The following ARHGAP1 variants were observed in gnomAD, a reference collection of about 807,000 sequenced individuals.
The protein encoded by ARHGAP1 is rho GTPase-activating protein 1.
Under a neutral mutation model 52.2 loss-of-function variants are expected in ARHGAP1, and 23 were observed. That is an observed-to-expected ratio of 0.44 (90% confidence interval 0.32 to 0.62). ARHGAP1 has a LOEUF of 0.62. Ranked by LOEUF, ARHGAP1 falls within the 20% of genes least tolerant of loss-of-function variation. The pLI is 0.05. For missense variants in ARHGAP1, 480 were observed against 560.9 expected (o/e 0.86, Z 1.46); for synonymous variants, 210 against 228.4 (o/e 0.92, Z 0.73).
In ARHGAP1 at chr11:46,679,885, C is replaced by T. The variant is rs1293397525; in HGVS notation, c.899-109G>A. The stretch of plus-strand genomic sequence containing the variant: ...ACTGCCCCTGGACACTGCATAAGCC[C>T]CTCCTCCCAGGGGCGCCCTCTGACA... On this transcript the variant is annotated intron_variant, in intron 10 of 12. Transcript: ENST00000311956. The surrounding 1 kb of genome is among the most constrained non-coding windows in gnomAD (Gnocchi z 4.4). The T allele has an allele frequency of 6.6e-7, 1 of 1,523,010 alleles. No homozygotes were observed. The highest frequency in any genetic ancestry group is 1.9e-5 in the Admixed American group (1 of 51,462). The allele number at this position is 1,523,010 out of a possible 1,614,324, so 94.3% of individuals were successfully genotyped here.
In ARHGAP1 at chr11:46,679,563, C is replaced by T. The variant is rs969731654; in HGVS notation, c.1027+85G>A. ...TAGAGGGGAGACCCCCAGCAGTCTT[C>T]CCTGGGAGGCGCCTAGGCCCGAAAG... On this transcript the variant is annotated intron_variant, in intron 11 of 12. Coordinates refer to ENST00000311956, the MANE Select transcript of ARHGAP1 (RefSeq NM_004308.5). The surrounding 1 kb of genome is among the most constrained non-coding windows in gnomAD (Gnocchi z 4.4). 6.2e-7 allele frequency: 1 copy of T among 1,607,392 alleles called. No individual in the cohort carries two copies. Among genetic ancestry groups the T allele is most frequent in the Non-Finnish European group, 8.5e-7 (1 of 1,175,862 alleles).
intron 4 of ARHGAP1, among the ~76,000 whole-genome samples, chr11:46,684,153 A>G (rs1039492801): frequency 3.3e-5 from 5 of 152,210 alleles, no homozygotes; most frequent in Non-Finnish European, 7.3e-5. Context: ...ACAGGCAGGC[A>G]TGGGGTGGCT....
rs1239557497 is a variant in ARHGAP1 at position 46,677,387 on chromosome 11, G to A, written c.*1650C>T. 4 of 152,576 alleles carry A rather than the reference G, an allele frequency of 2.6e-5. No individual in the cohort carries two copies. Among genetic ancestry groups the A allele is most frequent in the Non-Finnish European group, 5.9e-5 (4 of 68,250 alleles). 9.5% of individuals were successfully genotyped at this position (152,576 alleles called of 1,614,324 possible). On this transcript the variant is annotated 3_prime_UTR_variant, in exon 13 of 13. Coordinates refer to ENST00000311956, the MANE Select transcript of ARHGAP1 (RefSeq NM_004308.5). ...CAGCCCAGGCCCCAGGGGGCTGGAT[G>A]CACTGCTGATGGTCTTGGGAGAGCC...
At chr11:46,689,550 A>AT (rs1182258740) in intron 3 of ARHGAP1, among the ~76,000 whole-genome samples, 2 of 151,134 alleles carry the variant, frequency 1.3e-5, no homozygotes, top group African/African-American at 2.4e-5. Context: ...TATTACTATT[A>AT]TTTTTTTTTA....
At position 46,678,977 on chromosome 11, in the gene ARHGAP1, C is replaced by T; in HGVS notation, c.*60G>A. The T allele has an allele frequency of 1.3e-6, 2 of 1,569,034 alleles. No homozygotes were observed. The highest frequency in any genetic ancestry group is 1.7e-6 in the Non-Finnish European group (2 of 1,148,086). ...CAGGGGGCTTCATGGCCCCTGATGC[C>T]AGGAGGAAGAGTCCAAACCCGGGCT... On this transcript the variant is annotated 3_prime_UTR_variant, in exon 13 of 13. Transcript: ENST00000311956.
In ARHGAP1 at chr11:46,679,992, T is replaced by C. The variant is rs976726726; in HGVS notation, c.898+213A>G. Among the ~76,000 whole-genome samples, 7 of 152,172 alleles carry C rather than the reference T, an allele frequency of 4.6e-5. No homozygotes were observed. Among genetic ancestry groups the C allele is most frequent in the Admixed American group, 1.3e-4 (2 of 15,284 alleles). On this transcript the variant is annotated intron_variant, in intron 10 of 12. Coordinates refer to ENST00000311956, the MANE Select transcript of ARHGAP1 (RefSeq NM_004308.5). This position sits in a 1 kb window ranked among gnomAD's most constrained non-coding sequence, Gnocchi z 4.4. ...TGGGGCCCGGCACACCCCACCGTTATTCCTTGCCTCTGAATGTGCCTATAC... is the reference window on the plus strand; with the variant it reads ...TGGGGCCCGGCACACCCCACCGTTACTCCTTGCCTCTGAATGTGCCTATAC...
rs1160442679 is a variant in ARHGAP1 at position 46,678,165 on chromosome 11, G to A, written c.*872C>T. On this transcript the variant is annotated 3_prime_UTR_variant, in exon 13 of 13. Coordinates refer to ENST00000311956, the MANE Select transcript of ARHGAP1 (RefSeq NM_004308.5). ...CTGGGGCAGGGGCCAGTGTGACTCC[G>A]TAACAGACAGGTCCACAAGAACATG... The A allele has an allele frequency of 5.7e-5, 14 of 243,894 alleles. No homozygotes were observed. Among genetic ancestry groups the A allele is most frequent in the Admixed American group, 5.4e-5 (1 of 18,496 alleles). The allele number at this position is 243,894 out of a possible 1,614,324, so 15.1% of individuals were successfully genotyped here. A position where few individuals can be genotyped will look rare whatever the true frequency, so the allele number is the denominator to read the frequency against.
At position 46,681,652 on chromosome 11, in the gene ARHGAP1, TG is replaced by T. The variant is rs1252003793; in HGVS notation, c.450-274del. 7.1e-6 allele frequency: 3 copies of T among 421,512 alleles called. No individual in the cohort carries two copies. Among genetic ancestry groups the T allele is most frequent in the Non-Finnish European group, 1.3e-5 (3 of 227,088 alleles). 26.1% of individuals were successfully genotyped at this position (421,512 alleles called of 1,614,324 possible). A position where few individuals can be genotyped will look rare whatever the true frequency, so the allele number is the denominator to read the frequency against. ...TTTCACCATGTTGGCCAGGCTGGTCTGGAACTCCTGACCTCAAGTGATCCAT... is the reference window on the plus strand; with the variant it reads ...TTTCACCATGTTGGCCAGGCTGGTCTGAACTCCTGACCTCAAGTGATCCAT... On this transcript the variant is annotated intron_variant, in intron 5 of 12. Transcript: ENST00000311956. This position sits in a 1 kb window ranked among gnomAD's most constrained non-coding sequence, Gnocchi z 5.7.
chr11:46,698,498 C>T (rs1261275695), intron 1 of ARHGAP1, among the ~76,000 whole-genome samples: 1 of 151,462 alleles, frequency 6.6e-6, no homozygotes, highest in East Asian at 1.9e-4. Flanking sequence ...ATCCCAGCTA[C>T]TCAGGTGGCT....
In ARHGAP1 at chr11:46,681,349, G is replaced by GA; in HGVS notation, c.479dup (p.Val161ArgfsTer54). Reference sequence around the variant, plus strand: ...TTTTGATGAACATGGTTGGATGCACGATGTACAAGGCCTTGATGTTTTTCT... The same window carrying GA: ...TTTTGATGAACATGGTTGGATGCACGAATGTACAAGGCCTTGATGTTTTTCT... On this transcript the variant is annotated frameshift_variant, in exon 6 of 13. Transcript: ENST00000311956. LOFTEE classifies it high-confidence loss of function. This position sits in a 1 kb window ranked among gnomAD's most constrained non-coding sequence, Gnocchi z 5.7. 1 of 1,613,452 alleles carries GA rather than the reference G, an allele frequency of 6.2e-7. No individual in the cohort carries two copies. Among genetic ancestry groups the GA allele is most frequent in the Non-Finnish European group, 8.5e-7 (1 of 1,179,376 alleles).
At chr11:46,683,214 C>G (rs1262767760) in intron 4 of ARHGAP1, among the ~76,000 whole-genome samples, 1 of 151,824 alleles carries the variant, frequency 6.6e-6, no homozygotes, top group East Asian at 1.9e-4. Flanking sequence ...CTTTTTTCTA[C>G]TTTTTATTTT....
At position 46,679,441 on chromosome 11, in the gene ARHGAP1, G is replaced by A. The variant is rs142672718; in HGVS notation, c.1055C>T (p.Ala352Val). ...LNIDESQRVP[A>V]TLQVLQTLPE... Reference sequence around the variant, plus strand: ...CAGCGTCTGGAGGACCTGCAGTGTCGCTGGCACCCTCTGGCTTTCATCAAT... The same window carrying A: ...CAGCGTCTGGAGGACCTGCAGTGTCACTGGCACCCTCTGGCTTTCATCAAT... Residue 352 changes from alanine (A) to valine (V), a missense_variant, in exon 12 of 13, where the codon GCG becomes GTG. Physicochemically the swap from Ala to Val is moderately conservative, Grantham distance 64 (BLOSUM62 0). Transcript: ENST00000311956. This position sits in a 1 kb window ranked among gnomAD's most constrained non-coding sequence, Gnocchi z 4.4. 15 of 1,614,028 alleles carry A rather than the reference G, an allele frequency of 9.3e-6. No homozygotes were observed. Among genetic ancestry groups the A allele is most frequent in the Admixed American group, 1.7e-5 (1 of 60,000 alleles).
At position 46,681,476 on chromosome 11, in the gene ARHGAP1, C is replaced by T. The variant is rs1468712213; in HGVS notation, c.450-97G>A. 9.1e-6 allele frequency: 8 copies of T among 876,606 alleles called. No homozygotes were observed. In the Admixed American group the frequency reaches 9.2e-5, roughly 10 times the overall value. 54.3% of individuals were successfully genotyped at this position (876,606 alleles called of 1,614,324 possible). On this transcript the variant is annotated intron_variant, in intron 5 of 12. Coordinates refer to ENST00000311956, the MANE Select transcript of ARHGAP1 (RefSeq NM_004308.5). The surrounding 1 kb of genome is among the most constrained non-coding windows in gnomAD (Gnocchi z 5.7). Reference sequence around the variant, plus strand: ...ACTTTTTTTTTTTGAGACAGAGTCTCCTTCACCCAGGCTGGAGTGTGATCT... The same window carrying T: ...ACTTTTTTTTTTTGAGACAGAGTCTTCTTCACCCAGGCTGGAGTGTGATCT...
rs749834104 is a variant in ARHGAP1 at position 46,681,148 on chromosome 11, C to G, written c.537-39G>C. On this transcript the variant is annotated intron_variant, in intron 6 of 12. Transcript: ENST00000311956. The surrounding 1 kb of genome is among the most constrained non-coding windows in gnomAD (Gnocchi z 5.7). ...AAAGGGCCTGGGTTGTGGGGGCCCG[C>G]TTCCGGTGGCCTCCACTCTCCCCTC... 1 of 1,585,060 alleles carries G rather than the reference C, an allele frequency of 6.3e-7. No individual in the cohort carries two copies. Among genetic ancestry groups the G allele is most frequent in the South Asian group, 1.1e-5 (1 of 90,456 alleles).
rs550984592 is a variant in ARHGAP1, at chr11:46,694,294, A to G, written c.229+1366T>C. 2.0e-5 allele frequency among the ~76,000 whole-genome samples: 3 copies of G among 151,318 alleles called. No homozygotes were observed. In the South Asian group the frequency reaches 6.3e-4, roughly 32 times the overall value. On this transcript the variant is annotated intron_variant, in intron 3 of 12. Transcript: ENST00000311956. ...CTTCTGCTATTTCCGACTCCCAGGC[A>G]CCACCAACTCCCAGCTCCCCAGGGT... is the stretch of plus-strand genomic sequence containing the variant.
rs761884877 is a variant in ARHGAP1, at chr11:46,682,111, G to A, written c.389C>T (p.Thr130Ile). 6.2e-7 allele frequency: 1 copy of A among 1,614,068 alleles called. No homozygotes were observed. Among genetic ancestry groups the A allele is most frequent in the East Asian group, 2.2e-5 (1 of 44,890 alleles). ...YTLLYLHHGLTSDNKPSLSWL... is the reference protein window; with the variant it reads ...YTLLYLHHGLISDNKPSLSWL... Reference sequence around the variant, plus strand: ...GCTGAGGGAGGGCTTGTTGTCGCTGGTCAGGCCGTGGTGCAGATACAGAAG... The same window carrying A: ...GCTGAGGGAGGGCTTGTTGTCGCTGATCAGGCCGTGGTGCAGATACAGAAG... The change falls in exon 5 of 13, where the codon ACC becomes ATC. Residue 130 changes from threonine (T) to isoleucine (I), a missense_variant. Thr to Ile is a moderately conservative substitution (Grantham distance 89). Transcript: ENST00000311956.
In ARHGAP1 at chr11:46,679,496, G is replaced by A; in HGVS notation, c.1028-28C>T. The A allele has an allele frequency of 1.2e-6, 2 of 1,611,926 alleles. No homozygotes were observed. The highest frequency in any genetic ancestry group is 1.7e-6 in the Non-Finnish European group (2 of 1,178,362). ...ATGAGGAAAGGAGGCCCGGGTTATA[G>A]GGGCCCTAGGCTGGGCTGGTTCAGG... On this transcript the variant is annotated intron_variant, in intron 11 of 12. Coordinates refer to ENST00000311956, the MANE Select transcript of ARHGAP1 (RefSeq NM_004308.5). The surrounding 1 kb of genome is among the most constrained non-coding windows in gnomAD (Gnocchi z 4.4).
At chr11:46,682,306 CAG>C (rs1195562454) in intron 4 of ARHGAP1, 124 bp from the exon 5 acceptor site, 1 of 1,326,390 alleles carries the variant, frequency 7.5e-7, no homozygotes, top group African/African-American at 1.5e-5. Flanking sequence ...TCCCCTAGCA[CAG>C]TCTGTTCTGG....
intron 3 of ARHGAP1, among the ~76,000 whole-genome samples, 186 bp from the exon 4 acceptor site, chr11:46,688,446 G>C (rs2064588319): frequency 1.3e-5 from 2 of 152,056 alleles, no homozygotes; most frequent in Admixed American, 1.3e-4. Context: ...GGGACAGCTT[G>C]CTTTCAGGGC....
Sources: gnomAD v4.1 joint callset for allele counts (sites outside exome capture counted in the v4.1 genomes callset) on GRCh38, gnomAD v4.1.1 for gene constraint, Gnocchi (gnomAD v3.1) non-coding constraint, MANE v1.5 for transcripts, NCBI Gene and HGNC (gene_info 2026-07-23, HGNC 2026-07-21) for gene names.